GSK3B: variants seen among roughly 807,000 people sequenced by gnomAD.
GSK3B encodes glycogen synthase kinase 3 beta.
A neutral mutation model predicts 56.4 loss-of-function variants in GSK3B; 15 were observed. The observed-to-expected ratio is 0.27, with a 90% CI of 0.18 to 0.41. The LOEUF (loss-of-function observed/expected upper bound fraction) is 0.41, where lower values mean the gene tolerates loss of function less well. Ranked by LOEUF, GSK3B falls within the 10% of genes least tolerant of loss-of-function variation. GSK3B has a pLI of 1.00. For synonymous variants in GSK3B, 181 were observed against 188.9 expected (o/e 0.96, Z 0.34); for missense variants, 300 against 513.4 (o/e 0.58, Z 4.02).
At chr3:120,053,163 C>G (rs1257169226) in intron 1 of GSK3B, among the ~76,000 whole-genome samples, 1 of 152,106 alleles carries the variant, frequency 6.6e-6, no homozygotes, top group Non-Finnish European at 1.5e-5. Flanking sequence ...ATGGTGAAAC[C>G]TCTTCTCTAC....
chr3:119,902,869 T>A (rs1444089475), intron 7 of GSK3B, among the ~76,000 whole-genome samples: 2 of 151,972 alleles, frequency 1.3e-5, no homozygotes, highest in Non-Finnish European at 2.9e-5. Flanking sequence ...CATGTGCCAC[T>A]ATGCCTGGCT....
At chr3:119,971,757 G>A (rs1343939872) in intron 2 of GSK3B, among the ~76,000 whole-genome samples, 1 of 148,094 alleles carries the variant, frequency 6.8e-6, no homozygotes, top group East Asian at 2.0e-4. Flanking sequence ...GACTACAGGC[G>A]CCCGCCACTA....
chr3:119,917,513 T>C (rs2056793113), intron 4 of GSK3B, among the ~76,000 whole-genome samples: 1 of 152,144 alleles, frequency 6.6e-6, no homozygotes, highest in Non-Finnish European at 1.5e-5. Flanking sequence ...TCCTAAAGCT[T>C]ACTGTAGGAG....
At chr3:119,913,706 G>T (rs1445257818) in intron 5 of GSK3B, among the ~76,000 whole-genome samples, 1 of 151,548 alleles carries the variant, frequency 6.6e-6, no homozygotes, top group Non-Finnish European at 1.5e-5. Context: ...AAAGACAGAT[G>T]AAAGTAGTCA....
At chr3:120,090,616 T>C (rs1330488526) in intron 1 of GSK3B, among the ~76,000 whole-genome samples, 2 of 152,146 alleles carry the variant, frequency 1.3e-5, no homozygotes, top group Non-Finnish European at 2.9e-5. Flanking sequence ...ATTCACACTG[T>C]CTCTCAAACC....
At chr3:120,040,531 T>C (rs1048548435) in intron 1 of GSK3B, among the ~76,000 whole-genome samples, 3 of 152,042 alleles carry the variant, frequency 2.0e-5, no homozygotes, top group African/African-American at 4.8e-5. Context: ...ATACAAAGGA[T>C]TGAGCCTTAA....
intron 7 of GSK3B, among the ~76,000 whole-genome samples, chr3:119,895,649 ATT>A (rs1459027697): frequency 6.6e-6 from 1 of 152,148 alleles, no homozygotes; most frequent in Non-Finnish European, 1.5e-5. Context: ...TCCAAGCACC[ATT>A]TGTCAAAAAG....
intron 4 of GSK3B, among the ~76,000 whole-genome samples, chr3:119,918,369 C>G (rs1416551828): frequency 6.6e-6 from 1 of 151,476 alleles, no homozygotes; most frequent in East Asian, 1.9e-4. Context: ...GCTCGGAAGG[C>G]TGGGGCAGGA....
intron 7 of GSK3B, among the ~76,000 whole-genome samples, chr3:119,879,623 A>C (rs1247178084): frequency 6.6e-6 from 1 of 152,000 alleles, no homozygotes; most frequent in Admixed American, 6.6e-5. Context: ...GTACCCATTA[A>C]CCATCCCTAC....
chr3:119,903,173 G>C (rs1183896937), intron 7 of GSK3B, among the ~76,000 whole-genome samples: 1 of 152,152 alleles, frequency 6.6e-6, no homozygotes, highest in Non-Finnish European at 1.5e-5. Context: ...GTAACTTCCA[G>C]TCAATAAATG....
At chr3:119,868,115 A>G (rs2056205939) in intron 8 of GSK3B, among the ~76,000 whole-genome samples, 1 of 152,116 alleles carries the variant, frequency 6.6e-6, no homozygotes, top group South Asian at 2.1e-4. Flanking sequence ...AATAAGAAGA[A>G]GAAGAAAGAA....
At chr3:120,049,958 T>C (rs2107541024) in intron 1 of GSK3B, among the ~76,000 whole-genome samples, 1 of 152,302 alleles carries the variant, frequency 6.6e-6, no homozygotes, top group Non-Finnish European at 1.5e-5. Context: ...TACATGAGAC[T>C]GGGTAATTTA....
At chr3:119,928,612 T>TAAAAAAA (rs1160252679) in intron 3 of GSK3B, among the ~76,000 whole-genome samples, 168 of 67,018 alleles carry the variant, frequency 2.5e-3, no homozygotes, top group African/African-American at 5.5e-3. Context: ...ATCAAAAAAA[T>TAAAAAAA]AAAAAAAAAA....
chr3:120,084,467 C>T (rs1210691398), intron 1 of GSK3B: 1 of 152,112 alleles, frequency 6.6e-6, no homozygotes, highest in Non-Finnish European at 1.5e-5. Flanking sequence ...CATCATAAGC[C>T]CTTCTGCACT....
chr3:119,947,387 G>C, intron 2 of GSK3B, 36 bp from the exon 3 acceptor site: 2 of 1,233,506 alleles, frequency 1.6e-6, no homozygotes, highest in South Asian at 1.2e-5. Flanking sequence ...ATTTTTAAAG[G>C]ATAACAGCTA....
chr3:120,069,697 A>T (rs1323336749), intron 1 of GSK3B, among the ~76,000 whole-genome samples: 2 of 151,558 alleles, frequency 1.3e-5, no homozygotes, highest in Non-Finnish European at 2.9e-5. Flanking sequence ...TAAAAATATT[A>T]ACTATACAAA....
chr3:119,852,720 A>G (rs1038018453), intron 9 of GSK3B, among the ~76,000 whole-genome samples: 2 of 152,174 alleles, frequency 1.3e-5, no homozygotes, highest in African/African-American at 4.8e-5. Context: ...TAAAAAATAA[A>G]CTTATTGGGC....
chr3:119,898,327 G>A (rs1288948460), intron 7 of GSK3B, among the ~76,000 whole-genome samples: 1 of 152,124 alleles, frequency 6.6e-6, no homozygotes. Flanking sequence ...CCTAAGTCGG[G>A]GACTGTCTGT....
intron 7 of GSK3B, among the ~76,000 whole-genome samples, chr3:119,904,740 T>A (rs1260656811): frequency 1.3e-5 from 2 of 152,100 alleles, no homozygotes; most frequent in African/African-American, 4.8e-5. Context: ...CTGGAAGTGT[T>A]CAAGAAAATA....
Sources: gnomAD v4.1 joint callset for allele counts (sites outside exome capture counted in the v4.1 genomes callset) on GRCh38, gnomAD v4.1.1 for gene constraint, MANE v1.5 for transcripts, NCBI Gene and HGNC (gene_info 2026-07-23, HGNC 2026-07-21) for gene names.